Variants in GTF2F1 observed in about 807,000 individuals in gnomAD.
The protein encoded by GTF2F1 is general transcription factor IIF 74 kDa subunit.
In GTF2F1, 39 loss-of-function variants were observed where a neutral mutation model predicts 63.5. That is an observed-to-expected ratio of 0.61 (90% CI 0.48 to 0.80). GTF2F1 has a LOEUF of 0.80. GTF2F1 is among the 30% of genes least tolerant of loss of function. The pLI, the probability that GTF2F1 is intolerant of heterozygous loss-of-function variation, is 0.00. For missense variants in GTF2F1, 657 were observed against 718.3 expected (o/e 0.91, Z 0.97); for synonymous variants, 287 against 285.3 (o/e 1.01, Z -0.06).
intron 5 of GTF2F1, among the ~76,000 whole-genome samples, chr19:6,385,659 T>G (rs969459167): frequency 6.6e-6 from 1 of 152,066 alleles, no homozygotes. Context: ...GTACAGAAAC[T>G]GCCCCACAGG....
chr19:6,389,585 A>G lies in GTF2F1; in HGVS notation c.185T>C (p.Met62Thr). The G allele has an allele frequency of 6.2e-7, 1 of 1,614,172 alleles. No individual in the cohort carries two copies. The highest frequency in any genetic ancestry group is 1.6e-4 in the Middle Eastern group (1 of 6,062). ...SNKKIYQEEE[M>T]PESGAGSEFN... ...CTCACTGCCCGCGCCCGATTCGGGCATCTCCTCCTCTTGGTAGATTTTCTT... is the reference window on the plus strand; with the variant it reads ...CTCACTGCCCGCGCCCGATTCGGGCGTCTCCTCCTCTTGGTAGATTTTCTT... Residue 62 changes from methionine to threonine, a missense_variant, in exon 4 of 13, where the codon ATG (methionine) becomes ACG (threonine). Met to Thr is a moderately conservative substitution (Grantham distance 81, BLOSUM62 -1). This residue lies in a region of GTF2F1 where 602 missense variants were observed against 625.6 expected (regional missense o/e 0.96). Coordinates refer to ENST00000394456, the MANE Select transcript of GTF2F1 (RefSeq NM_002096.3).
In GTF2F1 at chr19:6,381,886, T is replaced by C. The variant is rs751028827; in HGVS notation, c.683-36A>G. 60 of 1,541,280 alleles carry C rather than the reference T, an allele frequency of 3.9e-5. No homozygotes were observed. Among genetic ancestry groups the C allele is most frequent in the Non-Finnish European group, 2.9e-5 (33 of 1,121,096 alleles). ...AGGAAAGGAAGGAAAGGAGGGAAAG[T>C]GAGGAGGAAGGCAGTGGGTATTTAT... is the stretch of plus-strand genomic sequence containing the variant. On this transcript the variant is annotated intron_variant, in intron 6 of 12. Coordinates refer to ENST00000394456, the MANE Select transcript of GTF2F1 (RefSeq NM_002096.3). The surrounding 1 kb of genome is among the most constrained non-coding windows in gnomAD (Gnocchi z 4.1).
At chr19:6,392,276 A>G in intron 2 of GTF2F1, 1 of 500,712 alleles carries the variant, frequency 2.0e-6, no homozygotes, top group South Asian at 1.5e-5. Context: ...TCTGCCAGAG[A>G]AGCTAGACCC....
At chr19:6,387,689 C>G (rs949736255) in intron 4 of GTF2F1, 130 bp from the exon 5 acceptor site, 1 of 665,438 alleles carries the variant, frequency 1.5e-6, no homozygotes, top group Non-Finnish European at 2.5e-6. Context: ...GAGGCCTGGG[C>G]AGGCCCTTCA....
chr19:6,382,129 C>G (rs2091955023), intron 6 of GTF2F1, among the ~76,000 whole-genome samples: 2 of 152,142 alleles, frequency 1.3e-5, no homozygotes, highest in Non-Finnish European at 2.9e-5. Context: ...CCCCTACAGC[C>G]CGGAGCGCAC....
At position 6,387,399 on chromosome 19, in the gene GTF2F1, C is replaced by A. The variant is rs1052224653; in HGVS notation, c.487G>T (p.Glu163Ter). ...ACCCAGCCCACTCACCTCTCCCACT[C>A]CTCCTCGGCCTCCTCGGCAGTGAGC... ...RTLTAEEAEE[E>*]WERRNKVLNH... is the part of the protein sequence containing the mutation. The change falls in exon 5 of 13, where the codon GAG becomes TAG. Residue 163 changes from glutamate to a stop codon, truncating the protein, a stop_gained. Transcript: ENST00000394456. LOFTEE classifies it high-confidence loss of function. 5 of 1,614,046 alleles carry A rather than the reference C, an allele frequency of 3.1e-6. No homozygotes were observed. The highest frequency in any genetic ancestry group is 4.2e-6 in the Non-Finnish European group (5 of 1,179,942).
At chr19:6,392,698 C>A (rs1020582927) in intron 2 of GTF2F1, among the ~76,000 whole-genome samples, 159 bp downstream of exon 2, 5 of 152,180 alleles carry the variant, frequency 3.3e-5, no homozygotes, top group Non-Finnish European at 7.3e-5. Flanking sequence ...CAGTGTTGTC[C>A]CCAGAGAAGC....
At chr19:6,387,349 T>C in intron 5 of GTF2F1, 40 bp downstream of exon 5, 1 of 1,593,692 alleles carries the variant, frequency 6.3e-7, no homozygotes, top group Non-Finnish European at 8.6e-7. Context: ...GCACCCCATT[T>C]CCCTCACTTC....
intron 5 of GTF2F1, among the ~76,000 whole-genome samples, chr19:6,384,857 C>T (rs1383420150): frequency 6.7e-6 from 1 of 150,032 alleles, no homozygotes; most frequent in East Asian, 2.0e-4. Context: ...GATCTCGGCT[C>T]ACCACAACCT....
At position 6,379,936 on chromosome 19, in the gene GTF2F1, C is replaced by G; in HGVS notation, c.*345G>C. 1 of 361,512 alleles carries G rather than the reference C, an allele frequency of 2.8e-6. No individual in the cohort carries two copies. The highest frequency in any genetic ancestry group is 5.3e-6 in the Non-Finnish European group (1 of 189,842). 22.4% of individuals were successfully genotyped at this position (361,512 alleles called of 1,614,324 possible). A position where few individuals can be genotyped will look rare whatever the true frequency, so the allele number is the denominator to read the frequency against. On this transcript the variant is annotated 3_prime_UTR_variant, in exon 13 of 13. Transcript: ENST00000394456. Reference sequence around the variant, plus strand: ...TGGATAAGTCACAGCTGAAGAGAGACTTAGGGAAGTGGAAGGGAGAACTGT... The same window carrying G: ...TGGATAAGTCACAGCTGAAGAGAGAGTTAGGGAAGTGGAAGGGAGAACTGT...
intron 2 of GTF2F1, 48 bp downstream of exon 2, chr19:6,392,809 T>C: frequency 6.4e-7 from 1 of 1,572,630 alleles, no homozygotes; most frequent in Non-Finnish European, 8.8e-7. Context: ...GTGAAGGTTT[T>C]CATTTTTGGG....
chr19:6,382,924 C>T (rs117302108), intron 6 of GTF2F1, among the ~76,000 whole-genome samples: 8,618 of 152,028 alleles, frequency 0.057, 332 homozygotes, highest in Non-Finnish European at 0.088. Context: ...TTCTCTGAGA[C>T]GGAGTCTCTC....
In GTF2F1 at chr19:6,381,897, GC is replaced by G. The variant is rs765395774; in HGVS notation, c.683-48del. 93 of 1,471,446 alleles carry G rather than the reference GC, an allele frequency of 6.3e-5. No homozygotes were observed. The highest frequency in any genetic ancestry group is 2.6e-4 in the South Asian group (23 of 87,640). 91.1% of individuals were successfully genotyped at this position (1,471,446 alleles called of 1,614,324 possible). On this transcript the variant is annotated intron_variant, in intron 6 of 12. Coordinates refer to ENST00000394456, the MANE Select transcript of GTF2F1 (RefSeq NM_002096.3). The surrounding 1 kb of genome is among the most constrained non-coding windows in gnomAD (Gnocchi z 4.1). Reference sequence around the variant, plus strand: ...GAAAGGAGGGAAAGTGAGGAGGAAGGCAGTGGGTATTTATTGTGTTTTTCAC... The same window carrying G: ...GAAAGGAGGGAAAGTGAGGAGGAAGGAGTGGGTATTTATTGTGTTTTTCAC...
In GTF2F1 at chr19:6,381,536, C is replaced by A; in HGVS notation, c.898+18G>T. 2.5e-6 allele frequency: 4 copies of A among 1,611,834 alleles called. No individual in the cohort carries two copies. Among genetic ancestry groups the A allele is most frequent in the Non-Finnish European group, 3.4e-6 (4 of 1,179,972 alleles). Reference sequence around the variant, plus strand: ...AAGCACCGCCCCCATCTCCCCGGCCCGCCCAGCCATCGCCTACCCTTGGGC... The same window carrying A: ...AAGCACCGCCCCCATCTCCCCGGCCAGCCCAGCCATCGCCTACCCTTGGGC... On this transcript the variant is annotated intron_variant, in intron 8 of 12. Transcript: ENST00000394456. This position sits in a 1 kb window ranked among gnomAD's most constrained non-coding sequence, Gnocchi z 4.1.
chr19:6,385,279 C>A (rs55779308), intron 5 of GTF2F1, among the ~76,000 whole-genome samples: 4,353 of 151,078 alleles, frequency 0.029, 78 homozygotes, highest in African/African-American at 0.058. Context: ...TGTGTAGTCC[C>A]AGCTACTCGC....
chr19:6,385,082 G>T (rs2091969008), intron 5 of GTF2F1, among the ~76,000 whole-genome samples: 1 of 152,044 alleles, frequency 6.6e-6, no homozygotes. Flanking sequence ...TAGCTAAGTA[G>T]ATTTAACATC....
rs117892240 is a variant in GTF2F1 at position 6,381,889 on chromosome 19, G to A, written c.683-39C>T. The A allele has an allele frequency of 2.8e-4, 427 of 1,529,128 alleles. 5 individuals carry two copies. The East Asian group carries it at 9.0e-3, about 32-fold the overall frequency. 94.7% of individuals were successfully genotyped at this position (1,529,128 alleles called of 1,614,324 possible). A position where few individuals can be genotyped will look rare whatever the true frequency, so the allele number is the denominator to read the frequency against. ...AAAGGAAGGAAAGGAGGGAAAGTGA[G>A]GAGGAAGGCAGTGGGTATTTATTGT... On this transcript the variant is annotated intron_variant, in intron 6 of 12. Coordinates refer to ENST00000394456, the MANE Select transcript of GTF2F1 (RefSeq NM_002096.3). This position sits in a 1 kb window ranked among gnomAD's most constrained non-coding sequence, Gnocchi z 4.1.
Position 6,380,909 on chromosome 19 carries a change from T to C in GTF2F1, c.1226A>G (p.Glu409Gly). 6.4e-7 allele frequency: 1 copy of C among 1,561,532 alleles called. No individual in the cohort carries two copies. The highest frequency in any genetic ancestry group is 8.6e-7 in the Non-Finnish European group (1 of 1,156,170). Residue 409 changes from glutamate (E) to glycine (G), a missense_variant, in exon 11 of 13, where the codon GAG becomes GGG. This residue lies in a region of GTF2F1 where 602 missense variants were observed against 625.6 expected (regional missense o/e 0.96). Transcript: ENST00000394456. The surrounding 1 kb of genome is among the most constrained non-coding windows in gnomAD (Gnocchi z 5.3). ...STLRAAASKLEQGKRVSEMPA... is the reference protein window; with the variant it reads ...STLRAAASKLGQGKRVSEMPA... ...GGGAGGCCACGGGCACTCACCTTGC[T>C]CGAGTTTGCTGGCAGCCGCCCGCAG... is the stretch of plus-strand genomic sequence containing the variant.
chr19:6,385,877 A>G (rs1240339182), intron 5 of GTF2F1, among the ~76,000 whole-genome samples: 1 of 151,816 alleles, frequency 6.6e-6, no homozygotes, highest in Non-Finnish European at 1.5e-5. Flanking sequence ...CGAGGTCAGG[A>G]GATCGAGACC....
Sources: gnomAD v4.1 joint callset for allele counts (sites outside exome capture counted in the v4.1 genomes callset) on GRCh38, gnomAD v4.1.1 for gene constraint, gnomAD v4.1.1 regional missense constraint, Gnocchi (gnomAD v3.1) non-coding constraint, MANE v1.5 for transcripts, NCBI Gene and HGNC (gene_info 2026-07-23, HGNC 2026-07-21) for gene names.